Variants in BCAT1 observed in about 807,000 individuals in gnomAD.
BCAT1 encodes the protein branched-chain-amino-acid aminotransferase, cytosolic.
In BCAT1, 48 loss-of-function variants were observed where a neutral mutation model predicts 52.4. That is an observed-to-expected ratio of 0.92 (90% CI 0.73 to 1.16). The LOEUF is 1.16. Among genes scored for constraint, BCAT1 ranks in the 50% most tolerant of loss-of-function variants. The probability of loss-of-function intolerance (pLI) is 0.00; values close to 1 mark genes in which losing one functional copy is unlikely to be tolerated. For missense variants in BCAT1, 451 were observed against 457.1 expected (o/e 0.99, Z 0.12); for synonymous variants, 167 against 161.3 (o/e 1.04, Z -0.27).
intron 1 of BCAT1, among the ~76,000 whole-genome samples, chr12:24,904,873 C>A (rs1391714609): frequency 2.6e-5 from 4 of 152,220 alleles, no homozygotes; most frequent in Non-Finnish European, 5.9e-5. Context: ...AGGAATCCCA[C>A]AGACAGATGT....
chr12:24,828,333 G>A (rs2046525), intron 10 of BCAT1, among the ~76,000 whole-genome samples: 21,422 of 152,064 alleles, frequency 0.14, 1,910 homozygotes, highest in Middle Eastern at 0.23. Context: ...GTGTTATCTG[G>A]TATTTAGCAT....
intron 1 of BCAT1, among the ~76,000 whole-genome samples, chr12:24,942,056 G>A (rs117993659): frequency 0.017 from 2,583 of 152,268 alleles, 30 homozygotes; most frequent in Non-Finnish European, 0.028. Flanking sequence ...GATTTTGCGT[G>A]GTGGAATGAC....
At chr12:24,848,230 T>G (rs1941402262) in intron 6 of BCAT1, among the ~76,000 whole-genome samples, 1 of 152,210 alleles carries the variant, frequency 6.6e-6, no homozygotes, top group African/African-American at 2.4e-5. Context: ...TTTAGAGTAC[T>G]TTTAGATTCA....
At position 24,816,177 on chromosome 12, in the gene BCAT1, G is replaced by C; in HGVS notation, c.*1831C>G. ...CATTTTACTATCCCTGTCTATAAAA[G>C]ACCCTATGGCTAAAAGTTTTGGAAA... On this transcript the variant is annotated 3_prime_UTR_variant, in exon 11 of 11. Coordinates refer to ENST00000261192, the MANE Select transcript of BCAT1 (RefSeq NM_005504.7). 1 of 231,062 alleles carries C rather than the reference G, an allele frequency of 4.3e-6. No homozygotes were observed. Among genetic ancestry groups the C allele is most frequent in the Non-Finnish European group, 8.3e-6 (1 of 120,746 alleles). The allele number at this position is 231,062 out of a possible 1,614,324, so 14.3% of individuals were successfully genotyped here. A position where few individuals can be genotyped will look rare whatever the true frequency, so the allele number is the denominator to read the frequency against.
intron 6 of BCAT1, among the ~76,000 whole-genome samples, chr12:24,845,333 G>A (rs941621529): frequency 1.3e-5 from 2 of 151,400 alleles, no homozygotes; most frequent in Non-Finnish European, 2.9e-5. Context: ...TATACAGATA[G>A]GAAGCTATTA....
At chr12:24,864,758 G>A (rs1183870575) in intron 5 of BCAT1, among the ~76,000 whole-genome samples, 1 of 152,044 alleles carries the variant, frequency 6.6e-6, no homozygotes, top group Non-Finnish European at 1.5e-5. Context: ...TACATATTCA[G>A]CATCACAGCT....
chr12:24,835,551 TTTTATTTA>T (rs67156404), intron 8 of BCAT1, among the ~76,000 whole-genome samples: 2,240 of 146,614 alleles, frequency 0.015, 19 homozygotes, highest in Middle Eastern at 0.035. Context: ...TTAAATTTTA[TTTTATTTA>T]TTTATTTATT....
chr12:24,898,075 G>A (rs1020723960), intron 2 of BCAT1, among the ~76,000 whole-genome samples: 8 of 152,100 alleles, frequency 5.3e-5, no homozygotes, highest in Admixed American at 4.6e-4. Flanking sequence ...CATGTGACTC[G>A]TTTGGGGCAG....
At position 24,824,265 on chromosome 12, in the gene BCAT1, TCATTC is replaced by T. The variant is rs869046973; in HGVS notation, c.1119+5553_1119+5557del. 1.3e-3 allele frequency among the ~76,000 whole-genome samples: 189 copies of T among 145,534 alleles called. 4 individuals carry two copies. Among genetic ancestry groups the T allele is most frequent in the Middle Eastern group, 3.4e-3 (1 of 290 alleles). Reference sequence around the variant, plus strand: ...TTCCTTCCTTCCTTCCTTCCTTCCTTCATTCCCTCCCTCCCTCCCTCCCTCCCTCC... The same window carrying T: ...TTCCTTCCTTCCTTCCTTCCTTCCTTCCTCCCTCCCTCCCTCCCTCCCTCC... On this transcript the variant is annotated intron_variant, in intron 10 of 10. Transcript: ENST00000261192.
intron 10 of BCAT1, among the ~76,000 whole-genome samples, chr12:24,820,219 C>A (rs1940058465): frequency 6.6e-6 from 1 of 152,178 alleles, no homozygotes; most frequent in Non-Finnish European, 1.5e-5. Context: ...ATGCACTAAG[C>A]TTTACTCTTC....
chr12:24,842,944 A>G lies in BCAT1; in HGVS notation c.675-720T>C, dbSNP rs146075776. On this transcript the variant is annotated intron_variant, in intron 6 of 10. Transcript: ENST00000261192. ...CTTTTATCTAAACTTATATGGGAAA[A>G]TTATGGAGTATATTATAAAATAAGG... Among the ~76,000 whole-genome samples, 13 of 152,326 alleles carry G rather than the reference A, an allele frequency of 8.5e-5. No individual in the cohort carries two copies. The East Asian group carries it at 1.5e-3, about 18-fold the overall frequency.
At chr12:24,940,004 T>C (rs552027009) in intron 1 of BCAT1, among the ~76,000 whole-genome samples, 5 of 152,282 alleles carry the variant, frequency 3.3e-5, no homozygotes, top group African/African-American at 7.2e-5. Flanking sequence ...TATATAAATA[T>C]ATACAGTGAA....
At chr12:24,891,926 T>TTC (rs1942853531) in intron 3 of BCAT1, among the ~76,000 whole-genome samples, 1 of 151,474 alleles carries the variant, frequency 6.6e-6, no homozygotes, top group African/African-American at 2.4e-5. Flanking sequence ...TTTTTTTTTT[T>TTC]TTTTCTATTT....
chr12:24,884,420 C>G (rs1942597269), intron 3 of BCAT1, among the ~76,000 whole-genome samples: 1 of 152,106 alleles, frequency 6.6e-6, no homozygotes. Flanking sequence ...AGACCTATCG[C>G]ACAGCATGGT....
At chr12:24,844,563 T>C (rs553420921) in intron 6 of BCAT1, among the ~76,000 whole-genome samples, 9 of 152,174 alleles carry the variant, frequency 5.9e-5, no homozygotes, top group African/African-American at 2.2e-4. Flanking sequence ...GTGATTGCCA[T>C]TGGAGCACGA....
intron 6 of BCAT1, among the ~76,000 whole-genome samples, 172 bp from the exon 7 acceptor site, chr12:24,842,396 T>C (rs933792209): frequency 2.0e-5 from 3 of 152,156 alleles, no homozygotes; most frequent in African/African-American, 7.2e-5. Context: ...GGAAAACTCA[T>C]TAGAAAATCT....
intron 10 of BCAT1, among the ~76,000 whole-genome samples, chr12:24,823,592 T>C (rs906563298): frequency 6.6e-6 from 1 of 152,176 alleles, no homozygotes; most frequent in Non-Finnish European, 1.5e-5. Context: ...TGTCAGGTAA[T>C]TGCATCATGG....
chr12:24,929,693 T>C (rs1420664848), intron 1 of BCAT1, among the ~76,000 whole-genome samples: 1 of 152,092 alleles, frequency 6.6e-6, no homozygotes, highest in East Asian at 1.9e-4. Context: ...CAAGACAACC[T>C]ATGCTTGCTA....
chr12:24,853,624 A>G (rs1313582245), intron 5 of BCAT1, among the ~76,000 whole-genome samples: 2 of 152,252 alleles, frequency 1.3e-5, no homozygotes, highest in African/African-American at 4.8e-5. Flanking sequence ...AAAAAAGTCA[A>G]TTAACTTGTT....
Sources: gnomAD v4.1 joint callset for allele counts (sites outside exome capture counted in the v4.1 genomes callset) on GRCh38, gnomAD v4.1.1 for gene constraint, MANE v1.5 for transcripts, NCBI Gene and HGNC (gene_info 2026-07-23, HGNC 2026-07-21) for gene names.